The following PRKAR1B variants were observed in gnomAD, a reference collection of about 807,000 sequenced individuals.
The protein encoded by PRKAR1B is protein kinase cAMP-dependent type I regulatory subunit beta, also known as cAMP-dependent protein kinase type I-beta regulatory subunit.
In PRKAR1B, 22 loss-of-function variants were observed where a neutral mutation model predicts 46.5. The ratio of observed to expected loss-of-function variants is 0.47; its 90% CI spans 0.34 to 0.68. The LOEUF (loss-of-function observed/expected upper bound fraction) is 0.68. PRKAR1B is among the 30% of genes least tolerant of loss of function. The pLI, the probability that PRKAR1B is intolerant of heterozygous loss-of-function variation, is 0.01. For synonymous variants in PRKAR1B, 259 were observed against 217.7 expected, an observed-to-expected ratio of 1.19 and a Z score of -1.67; for missense variants, 445 against 535.6, an observed-to-expected ratio of 0.83 and a Z score of 1.67.
At chr7:698,063 G>A (rs1779864057) in intron 2 of PRKAR1B, among the ~76,000 whole-genome samples, 4 of 90,348 alleles carry the variant, frequency 4.4e-5, no homozygotes, top group Non-Finnish European at 8.9e-5. Flanking sequence ...GGAAGGGAGG[G>A]GAGGGGAGGG....
intron 8 of PRKAR1B, among the ~76,000 whole-genome samples, chr7:582,164 G>A: frequency 8.1e-6 from 1 of 123,948 alleles, no homozygotes; most frequent in Admixed American, 7.5e-5. Flanking sequence ...CACCTGCCCA[G>A]GGGGGAACCC....
chr7:710,643 CTTT>C (rs1177446855), intron 2 of PRKAR1B, among the ~76,000 whole-genome samples: 3 of 137,618 alleles, frequency 2.2e-5, no homozygotes, highest in Admixed American at 7.4e-5. Context: ...TTTCTTTTTC[CTTT>C]TTTTTTTTTT....
At chr7:625,510 G>T (rs1044904966) in intron 4 of PRKAR1B, among the ~76,000 whole-genome samples, 1 of 151,920 alleles carries the variant, frequency 6.6e-6, no homozygotes, top group Admixed American at 6.6e-5. Context: ...ATCACTACAG[G>T]TCCCATGGAC....
intron 1 of PRKAR1B, among the ~76,000 whole-genome samples, chr7:723,252 G>C (rs755213170): frequency 4.1e-4 from 63 of 152,346 alleles, no homozygotes; most frequent in Non-Finnish European, 2.2e-4. Context: ...CCTGAAAGCA[G>C]ACTGTGGGGT....
intron 9 of PRKAR1B, 101 bp downstream of exon 9, chr7:579,155 A>C: frequency 6.2e-7 from 1 of 1,600,606 alleles, no homozygotes. Context: ...GGCAGCACTG[A>C]CTCCAGAGGG....
intron 5 of PRKAR1B, among the ~76,000 whole-genome samples, 174 bp from the exon 6 acceptor site, chr7:606,413 A>G (rs575431014): frequency 6.6e-6 from 1 of 152,376 alleles, no homozygotes; most frequent in African/African-American, 2.4e-5. Context: ...AACTTGTTAA[A>G]GAGCCTGTTC....
At chr7:563,198 G>A (rs763803145) in intron 9 of PRKAR1B, among the ~76,000 whole-genome samples, 5 of 152,206 alleles carry the variant, frequency 3.3e-5, no homozygotes, top group Admixed American at 1.3e-4. Flanking sequence ...ACCCAACCCG[G>A]AGCTGATGCC....
At chr7:678,862 G>C (rs1157763400) in intron 3 of PRKAR1B, among the ~76,000 whole-genome samples, 1 of 152,148 alleles carries the variant, frequency 6.6e-6, no homozygotes, top group Non-Finnish European at 1.5e-5. Flanking sequence ...GAGGCAGGTG[G>C]ATCACCTGAG....
intron 9 of PRKAR1B, among the ~76,000 whole-genome samples, chr7:572,497 G>A (rs1010398914): frequency 1.3e-5 from 2 of 152,142 alleles, no homozygotes; most frequent in African/African-American, 2.4e-5. Flanking sequence ...ATGGCGCCCA[G>A]CTCAGCTCTG....
chr7:682,742 CAA>C (rs879378136), intron 2 of PRKAR1B, among the ~76,000 whole-genome samples: 31 of 124,856 alleles, frequency 2.5e-4, no homozygotes, highest in African/African-American at 6.8e-4. Flanking sequence ...GACTCTGTCT[CAA>C]AAAAAAAAAA....
chr7:574,134 A>G (rs185906933), intron 9 of PRKAR1B, among the ~76,000 whole-genome samples: 193 of 152,274 alleles, frequency 1.3e-3, no homozygotes, highest in African/African-American at 4.3e-3. Context: ...ATTTTCCTAC[A>G]CGGGTCCTTG....
chr7:577,035 C>T (rs1169901305), intron 9 of PRKAR1B, among the ~76,000 whole-genome samples: 1 of 138,668 alleles, frequency 7.2e-6, no homozygotes, highest in Non-Finnish European at 1.6e-5. Flanking sequence ...ACGCCATCAG[C>T]GGCCCCGTCC....
intron 4 of PRKAR1B, among the ~76,000 whole-genome samples, chr7:673,811 G>C (rs1786424359): frequency 6.6e-6 from 1 of 152,170 alleles, no homozygotes; most frequent in South Asian, 2.1e-4. Flanking sequence ...TGCAGTTCTG[G>C]GGCCAGAAGT....
At chr7:660,310 C>A (rs1785437310) in intron 4 of PRKAR1B, among the ~76,000 whole-genome samples, 1 of 152,046 alleles carries the variant, frequency 6.6e-6, no homozygotes. Context: ...GAGCCTGCTG[C>A]CTCTCGACAC....
intron 4 of PRKAR1B, among the ~76,000 whole-genome samples, chr7:614,511 T>C (rs1361482791): frequency 6.6e-6 from 1 of 152,148 alleles, no homozygotes; most frequent in Admixed American, 6.5e-5. Flanking sequence ...TCCCAGCACT[T>C]TGGGAGACCG....
chr7:685,271 T>A (rs1778955821), intron 2 of PRKAR1B, among the ~76,000 whole-genome samples: 1 of 25,740 alleles, frequency 3.9e-5, no homozygotes, highest in Non-Finnish European at 6.4e-5. Context: ...CATATATACG[T>A]ATATATACGT....
At chr7:565,293 G>C (rs1367525034) in intron 9 of PRKAR1B, 1 of 152,212 alleles carries the variant, frequency 6.6e-6, no homozygotes, top group African/African-American at 2.4e-5. Context: ...GGGACACCAA[G>C]GAGGAGCACA....
At chr7:586,391 G>A (rs1377929742) in intron 7 of PRKAR1B, among the ~76,000 whole-genome samples, 1 of 152,198 alleles carries the variant, frequency 6.6e-6, no homozygotes, top group Non-Finnish European at 1.5e-5. Flanking sequence ...AAGGAAATGA[G>A]TCTGAGATTT....
At chr7:701,504 T>C (rs1192440941) in intron 2 of PRKAR1B, among the ~76,000 whole-genome samples, 5 of 152,172 alleles carry the variant, frequency 3.3e-5, no homozygotes, top group African/African-American at 9.6e-5. Context: ...TCAAATATGT[T>C]GAAAGGTATA....
Sources: allele counts gnomAD v4.1 joint callset (sites outside exome capture counted in the v4.1 genomes callset), GRCh38; gene constraint gnomAD v4.1.1; transcripts MANE v1.5; gene names NCBI Gene and HGNC (gene_info 2026-07-23, HGNC 2026-07-21).